RIOK2: variants seen among roughly 807,000 people sequenced by gnomAD.
RIOK2 encodes RIO kinase 2, also known as serine/threonine-protein kinase RIO2.
A neutral mutation model predicts 62.4 loss-of-function variants in RIOK2; 46 were observed. The ratio of observed to expected loss-of-function variants is 0.74; its 90% CI spans 0.58 to 0.94. The LOEUF is 0.94. Ranked by LOEUF, RIOK2 falls within the 40% of genes least tolerant of loss-of-function variation. The probability of loss-of-function intolerance (pLI) is 0.00; values close to 1 mark genes in which losing one functional copy is unlikely to be tolerated. For synonymous variants in RIOK2, 197 were observed against 216.0 expected, an observed-to-expected ratio of 0.91 and a Z score of 0.77; for missense variants, 574 against 658.0, an observed-to-expected ratio of 0.87 and a Z score of 1.40.
chr5:97,182,784 G>T (rs527517691), intron 1 of RIOK2: 7 of 236,478 alleles, frequency 3.0e-5, no homozygotes, highest in South Asian at 9.9e-5. Context: ...ATCTCGGGGG[G>T]GGGGGGGGGC....
Position 97,166,725 on chromosome 5 carries a change from A to G in RIOK2, c.1397+742T>C, listed in dbSNP as rs1580266171. The G allele has an allele frequency of 1.1e-5, 11 of 965,234 alleles. No individual in the cohort carries two copies. In the South Asian group the frequency reaches 3.8e-4, roughly 33 times the overall value. The allele number at this position is 965,234 out of a possible 1,614,324, so 59.8% of individuals were successfully genotyped here. On this transcript the variant is annotated intron_variant, in intron 8 of 9. Transcript: ENST00000283109. ...CAAAGGATAGAAGGCTCAAGGTACT[A>G]GAGAAAATTCACTGCAGATGTTTCA...
chr5:97,182,809 G>A, intron 1 of RIOK2: 3 of 280,944 alleles, frequency 1.1e-5, no homozygotes, highest in Non-Finnish European at 2.1e-5. Context: ...ACCTTTCACA[G>A]CTGGTCGGAA....
At chr5:97,182,028 G>C (rs3906410) in intron 1 of RIOK2, among the ~76,000 whole-genome samples, 51,582 of 152,088 alleles carry the variant, frequency 0.34, 10,177 homozygotes, top group East Asian at 0.48. Flanking sequence ...GCAAGAACCA[G>C]TGTGACTCAC....
chr5:97,165,633 T>C (rs1421001167), intron 8 of RIOK2, among the ~76,000 whole-genome samples: 3 of 152,208 alleles, frequency 2.0e-5, no homozygotes, highest in South Asian at 2.1e-4. Context: ...TTTCAATATA[T>C]GCAATGTATA....
At position 97,162,807 on chromosome 5, in the gene RIOK2, A is replaced by G. The variant is rs1274765381; in HGVS notation, c.*254T>C. On this transcript the variant is annotated 3_prime_UTR_variant, in exon 10 of 10. Coordinates refer to ENST00000283109, the MANE Select transcript of RIOK2 (RefSeq NM_018343.3). ...AGAAAACAACAAAAATGTTATTTAG[A>G]TTTTTAAAAATATGCAAATGTCTCT... 5 of 383,540 alleles carry G rather than the reference A, an allele frequency of 1.3e-5. No homozygotes were observed. The highest frequency in any genetic ancestry group is 2.3e-5 in the Non-Finnish European group (5 of 216,218). 23.8% of individuals were successfully genotyped at this position (383,540 alleles called of 1,614,324 possible). A position where few individuals can be genotyped will look rare whatever the true frequency, so the allele number is the denominator to read the frequency against.
At chr5:97,163,313 C>A in intron 9 of RIOK2, 88 bp from the exon 10 acceptor site, 1 of 1,095,054 alleles carries the variant, frequency 9.1e-7, no homozygotes, top group Non-Finnish European at 1.3e-6. Context: ...TATATTGACA[C>A]CATGAATTTT....
In RIOK2 at chr5:97,179,328, C is replaced by T. The variant is rs540569036; in HGVS notation, c.67-135G>A. On this transcript the variant is annotated intron_variant, in intron 1 of 9. Coordinates refer to ENST00000283109, the MANE Select transcript of RIOK2 (RefSeq NM_018343.3). The stretch of plus-strand genomic sequence containing the variant: ...ACTAATTCTGAGACATAATCACTTC[C>T]GTCTCTTGAAAATATTTTTAATTGC... 27 of 720,424 alleles carry T rather than the reference C, an allele frequency of 3.7e-5. 1 individual carries two copies. The highest frequency in any genetic ancestry group is 2.6e-4 in the South Asian group (14 of 53,484). The allele number at this position is 720,424 out of a possible 1,614,324, so 44.6% of individuals were successfully genotyped here.
chr5:97,166,359 C>G (rs935990940), intron 8 of RIOK2: 1 of 453,370 alleles, frequency 2.2e-6, no homozygotes, highest in Non-Finnish European at 4.4e-6. Flanking sequence ...AGCCCTGTGA[C>G]ACAGATACAC....
intron 1 of RIOK2, among the ~76,000 whole-genome samples, chr5:97,179,701 C>CT (rs1357182587): frequency 1.4e-5 from 2 of 147,744 alleles, no homozygotes; most frequent in African/African-American, 5.0e-5. Context: ...TCTCAGAAAA[C>CT]TAACACAAGA....
Position 97,162,041 on chromosome 5 carries a change from T to G in RIOK2, c.*1020A>C, listed in dbSNP as rs1748714191. On this transcript the variant is annotated 3_prime_UTR_variant, in exon 10 of 10. Coordinates refer to ENST00000283109, the MANE Select transcript of RIOK2 (RefSeq NM_018343.3). ...AATTTGGCAAAGGTGAAAGGGAATC[T>G]GCTGTCTTTATCAATCTTGGAAAAG... 6.6e-6 allele frequency: 1 copy of G among 152,190 alleles called. No homozygotes were observed. Among genetic ancestry groups the G allele is most frequent in the African/African-American group, 2.4e-5 (1 of 41,450 alleles). 9.4% of individuals were successfully genotyped at this position (152,190 alleles called of 1,614,324 possible).
chr5:97,167,726 T>C lies in RIOK2; in HGVS notation c.1138A>G (p.Ser380Gly), dbSNP rs191630960. 16 of 1,614,200 alleles carry C rather than the reference T, an allele frequency of 9.9e-6. No homozygotes were observed. Among genetic ancestry groups the C allele is most frequent in the Non-Finnish European group, 1.7e-6 (2 of 1,180,012 alleles). The change falls in exon 8 of 10, where the codon AGT becomes GGT. Residue 380 changes from serine (S) to glycine (G), a missense_variant. Transcript: ENST00000283109. ...SGDPEQIKED[S>G]LSEESADARS... ...GCATCAGCACTCTCTTCTGATAAAC[T>C]GTCTTCCTTTATTTGTTCAGGGTCT... is the stretch of plus-strand genomic sequence containing the variant.
In RIOK2 at chr5:97,163,247, G is replaced by A. The variant is rs752938027; in HGVS notation, c.1495-22C>T. The A allele has an allele frequency of 2.5e-6, 4 of 1,600,758 alleles. No individual in the cohort carries two copies. The South Asian group carries it at 4.4e-5, about 18-fold the overall frequency. On this transcript the variant is annotated intron_variant, in intron 9 of 9. Coordinates refer to ENST00000283109, the MANE Select transcript of RIOK2 (RefSeq NM_018343.3). ...GTTCCTGGAAAGATTTCATAAATTA[G>A]TATTACTGATAATGAACCATTTCAA...
intron 1 of RIOK2, among the ~76,000 whole-genome samples, chr5:97,180,160 A>G (rs1206628119): frequency 1.9e-4 from 22 of 118,784 alleles, no homozygotes; most frequent in East Asian, 2.4e-4. Flanking sequence ...ATATATATAT[A>G]TGTGCTTTTT....
intron 1 of RIOK2, among the ~76,000 whole-genome samples, chr5:97,181,650 G>A (rs576805638): frequency 1.3e-5 from 2 of 152,290 alleles, no homozygotes; most frequent in African/African-American, 4.8e-5. Context: ...AAATATTGCA[G>A]CGCCAATGTT....
intron 1 of RIOK2, among the ~76,000 whole-genome samples, chr5:97,180,715 G>A (rs559159174): frequency 4.1e-4 from 62 of 152,136 alleles, no homozygotes; most frequent in African/African-American, 1.4e-3. Context: ...CAGAAGTCCA[G>A]CTCAGAGGAA....
Position 97,162,980 on chromosome 5 carries a change from C to CA in RIOK2, c.*80dup. ...TTATTAATATATGATAGCCTTGGCT[C>CA]AAAAAAGACAAATGAGGGCTCAAAA... On this transcript the variant is annotated 3_prime_UTR_variant, in exon 10 of 10. Coordinates refer to ENST00000283109, the MANE Select transcript of RIOK2 (RefSeq NM_018343.3). The CA allele has an allele frequency of 2.4e-6, 3 of 1,234,308 alleles. No homozygotes were observed. The highest frequency in any genetic ancestry group is 3.3e-6 in the Non-Finnish European group (3 of 897,738). The allele number at this position is 1,234,308 out of a possible 1,614,324, so 76.5% of individuals were successfully genotyped here.
chr5:97,161,880 A>C lies in RIOK2; in HGVS notation c.*1181T>G, dbSNP rs1748709916. On this transcript the variant is annotated 3_prime_UTR_variant, in exon 10 of 10. Transcript: ENST00000283109. ...ATACCTGAATTCAAAGATATATCTA[A>C]AATGCAAAGCAAGGGTATTTAAATA... 1 of 152,246 alleles carries C rather than the reference A, an allele frequency of 6.6e-6. No individual in the cohort carries two copies. Among genetic ancestry groups the C allele is most frequent in the East Asian group, 1.9e-4 (1 of 5,200 alleles). The allele number at this position is 152,246 out of a possible 1,614,324, so 9.4% of individuals were successfully genotyped here.
At chr5:97,174,019 C>T (rs1749091014) in intron 4 of RIOK2, among the ~76,000 whole-genome samples, 1 of 152,200 alleles carries the variant, frequency 6.6e-6, no homozygotes, top group African/African-American at 2.4e-5. Flanking sequence ...TGTAAGGAGG[C>T]ATATACCTCA....
chr5:97,177,502 G>A (rs1749203809), intron 3 of RIOK2, among the ~76,000 whole-genome samples: 1 of 152,106 alleles, frequency 6.6e-6, no homozygotes. Context: ...TATCTTGGGA[G>A]TTATTAGAAG....
Sources: allele counts gnomAD v4.1 joint callset (sites outside exome capture counted in the v4.1 genomes callset), GRCh38; gene constraint gnomAD v4.1.1; transcripts MANE v1.5; gene names NCBI Gene and HGNC (gene_info 2026-07-23, HGNC 2026-07-21).